Variants in TESC observed in about 807,000 individuals in gnomAD.
TESC encodes calcineurin B homologous protein 3.
In TESC, 19 loss-of-function variants were observed where a neutral mutation model predicts 31.0. The ratio of observed to expected loss-of-function variants is 0.61; its 90% confidence interval spans 0.43 to 0.90. The LOEUF (loss-of-function observed/expected upper bound fraction) is 0.90, where lower values mean the gene tolerates loss of function less well. Ranked by LOEUF, TESC falls within the 40% of genes least tolerant of loss-of-function variation. The pLI, the probability that TESC is intolerant of heterozygous loss-of-function variation, is 0.00. For synonymous variants in TESC, 109 were observed against 114.8 expected (o/e 0.95, Z 0.32); for missense variants, 248 against 303.8 (o/e 0.82, Z 1.36).
chr12:117,062,575 A>C (rs1315382907), intron 2 of TESC, among the ~76,000 whole-genome samples: 1 of 152,118 alleles, frequency 6.6e-6, no homozygotes, highest in Non-Finnish European at 1.5e-5. Flanking sequence ...GCCACTTCTC[A>C]TTGTTAAGAA....
intron 4 of TESC, chr12:117,048,810 G>C (rs1954604556): frequency 1.3e-6 from 1 of 772,846 alleles, no homozygotes; most frequent in African/African-American, 1.7e-5. Flanking sequence ...GAAGCCACAA[G>C]CTGCTGAGGA....
chr12:117,048,710 A>G (rs1465743698), intron 4 of TESC: 1 of 536,090 alleles, frequency 1.9e-6, no homozygotes, highest in Non-Finnish European at 3.6e-6. Flanking sequence ...TCAAGGTCAC[A>G]TGGCTGGTGA....
chr12:117,046,962 G>T, intron 4 of TESC, 124 bp from the exon 5 acceptor site: 2 of 1,035,886 alleles, frequency 1.9e-6, no homozygotes, highest in Non-Finnish European at 2.8e-6. Context: ...AGCCAGAGGG[G>T]TCAGGGCATG....
intron 2 of TESC, among the ~76,000 whole-genome samples, chr12:117,068,368 A>G (rs1234490010): frequency 2.6e-5 from 4 of 152,106 alleles, no homozygotes; most frequent in Non-Finnish European, 4.4e-5. Context: ...TGCCTCTACT[A>G]AAAATACAAA....
intron 7 of TESC, among the ~76,000 whole-genome samples, chr12:117,040,915 T>C (rs1463695051): frequency 2.0e-5 from 3 of 151,940 alleles, no homozygotes; most frequent in Non-Finnish European, 2.9e-5. Flanking sequence ...CTTCCTTCCC[T>C]AATCCTCTCT....
At chr12:117,074,517 G>A (rs1955022862) in intron 2 of TESC, among the ~76,000 whole-genome samples, 1 of 152,130 alleles carries the variant, frequency 6.6e-6, no homozygotes, top group South Asian at 2.1e-4. Flanking sequence ...ATTTGAGGCG[G>A]CCACCCCCAT....
rs1414817680 is a variant in TESC at position 117,050,792 on chromosome 12, G to C, written c.210-1634C>G. The stretch of plus-strand genomic sequence containing the variant: ...TACAAAAAATTAGATGGGTGCGGTG[G>C]TGTGCACCTGTAGTCCCAGCTACTT... On this transcript the variant is annotated intron_variant, in intron 3 of 7. Coordinates refer to ENST00000335209, the MANE Select transcript of TESC (RefSeq NM_017899.4). Among the ~76,000 whole-genome samples, 3 of 152,308 alleles carry C rather than the reference G, an allele frequency of 2.0e-5. No homozygotes were observed. In the East Asian group the frequency reaches 5.8e-4, roughly 29 times the overall value.
At chr12:117,074,577 G>A (rs192601739) in intron 2 of TESC, among the ~76,000 whole-genome samples, 124 of 152,222 alleles carry the variant, frequency 8.1e-4, no homozygotes, top group Admixed American at 3.9e-3. Flanking sequence ...AAAAGACAGA[G>A]GTCCTGATGG....
In TESC at chr12:117,039,034, G is replaced by T; in HGVS notation, c.*99C>A. On this transcript the variant is annotated 3_prime_UTR_variant, in exon 8 of 8. Coordinates refer to ENST00000335209, the MANE Select transcript of TESC (RefSeq NM_017899.4). ...AGACGAGCCTTGGCTATGTACCGGC[G>T]CTGCAGGAAGAGGCTGTCCGCCGGG... The T allele has an allele frequency of 7.5e-7, 1 of 1,341,630 alleles. No individual in the cohort carries two copies. The highest frequency in any genetic ancestry group is 1.0e-6 in the Non-Finnish European group (1 of 956,522). 83.1% of individuals were successfully genotyped at this position (1,341,630 alleles called of 1,614,324 possible).
At position 117,099,309 on chromosome 12, in the gene TESC, G is replaced by T; in HGVS notation, c.-27C>A. ...GTGCCCGCGGCGGGGGCCCCGGGGCGCGCGTCCCTCTCAGGCCCCGCACTG... is the reference window on the plus strand; with the variant it reads ...GTGCCCGCGGCGGGGGCCCCGGGGCTCGCGTCCCTCTCAGGCCCCGCACTG... On this transcript the variant is annotated 5_prime_UTR_variant, in exon 1 of 8. Coordinates refer to ENST00000335209, the MANE Select transcript of TESC (RefSeq NM_017899.4). The T allele has an allele frequency of 7.0e-7, 1 of 1,421,894 alleles. No individual in the cohort carries two copies. The highest frequency in any genetic ancestry group is 3.1e-5 in the East Asian group (1 of 32,474). The allele number at this position is 1,421,894 out of a possible 1,614,324, so 88.1% of individuals were successfully genotyped here. A position where few individuals can be genotyped will look rare whatever the true frequency, so the allele number is the denominator to read the frequency against.
chr12:117,048,678 T>C, intron 4 of TESC: 1 of 492,862 alleles, frequency 2.0e-6, no homozygotes, highest in Non-Finnish European at 4.0e-6. Context: ...ATGATCGGCA[T>C]ACCCACGTTC....
At position 117,048,773 on chromosome 12, in the gene TESC, C is replaced by T. The variant is rs553754800; in HGVS notation, c.349+246G>A. 3.4e-5 allele frequency: 22 copies of T among 654,966 alleles called. 1 individual carries two copies. Among genetic ancestry groups the T allele is most frequent in the South Asian group, 2.1e-4 (14 of 66,484 alleles). The allele number at this position is 654,966 out of a possible 1,614,324, so 40.6% of individuals were successfully genotyped here. A position where few individuals can be genotyped will look rare whatever the true frequency, so the allele number is the denominator to read the frequency against. Reference sequence around the variant, plus strand: ...TGCATCAAGGGCCTTGTTTCACATCCACCGCACAACCCCCTTCTAGTCCCA... The same window carrying T: ...TGCATCAAGGGCCTTGTTTCACATCTACCGCACAACCCCCTTCTAGTCCCA... On this transcript the variant is annotated intron_variant, in intron 4 of 7. Coordinates refer to ENST00000335209, the MANE Select transcript of TESC (RefSeq NM_017899.4).
intron 2 of TESC, among the ~76,000 whole-genome samples, chr12:117,062,957 G>A (rs867038376): frequency 5.9e-5 from 9 of 152,146 alleles, no homozygotes; most frequent in South Asian, 2.1e-4. Context: ...CAGGGGTAGC[G>A]GGGATTGCCC....
chr12:117,040,624 C>T (rs1473880278), intron 7 of TESC, among the ~76,000 whole-genome samples: 1 of 151,942 alleles, frequency 6.6e-6, no homozygotes, highest in Non-Finnish European at 1.5e-5. Flanking sequence ...CCAGCATAGG[C>T]CAGAGTGAGT....
At chr12:117,060,959 G>A (rs59143111) in intron 2 of TESC, among the ~76,000 whole-genome samples, 5,473 of 152,152 alleles carry the variant, frequency 0.036, 265 homozygotes, top group South Asian at 0.12. Flanking sequence ...CTGTTTTCTC[G>A]TCTGTGAGGA....
At chr12:117,066,597 C>T (rs1419662333) in intron 2 of TESC, among the ~76,000 whole-genome samples, 1 of 152,026 alleles carries the variant, frequency 6.6e-6, no homozygotes, top group Non-Finnish European at 1.5e-5. Flanking sequence ...GATCTCCTGA[C>T]CTCGTGATCC....
chr12:117,076,672 G>A (rs1955078710), intron 1 of TESC, among the ~76,000 whole-genome samples: 1 of 152,148 alleles, frequency 6.6e-6, no homozygotes, highest in Non-Finnish European at 1.5e-5. Flanking sequence ...TTGAACTCCT[G>A]ACCTTGAGTG....
intron 2 of TESC, among the ~76,000 whole-genome samples, chr12:117,067,574 T>C (rs1030482325): frequency 3.3e-5 from 5 of 151,918 alleles, no homozygotes; most frequent in African/African-American, 1.2e-4. Context: ...CTTGCTCCCA[T>C]CCCCTCAAAA....
At chr12:117,043,734 G>A (rs905160538) in intron 6 of TESC, among the ~76,000 whole-genome samples, 1 of 152,144 alleles carries the variant, frequency 6.6e-6, no homozygotes, top group African/African-American at 2.4e-5. Flanking sequence ...CCAAAGTGCT[G>A]GGATTACAGG....
Sources: allele counts gnomAD v4.1 joint callset (sites outside exome capture counted in the v4.1 genomes callset), GRCh38; gene constraint gnomAD v4.1.1; transcripts MANE v1.5; gene names NCBI Gene and HGNC (gene_info 2026-07-23, HGNC 2026-07-21).